FREM3: variants seen among roughly 807,000 people sequenced by gnomAD.
The protein encoded by FREM3 is FRAS1-related extracellular matrix protein 3.
A neutral mutation model predicts 129.1 loss-of-function variants in FREM3; 105 were observed. That is an observed-to-expected ratio of 0.81 (90% CI 0.69 to 0.96). The LOEUF (loss-of-function observed/expected upper bound fraction) is 0.96. FREM3 is among the 40% of genes least tolerant of loss of function. The probability of loss-of-function intolerance (pLI) is 0.00; values close to 1 mark genes in which losing one functional copy is unlikely to be tolerated. For synonymous variants in FREM3, 1,014 were observed against 1,044.9 expected (o/e 0.97, Z 0.57); for missense variants, 2,593 against 2,666.3 (o/e 0.97, Z 0.61).
At chr4:143,683,457 G>A (rs544581627) in intron 2 of FREM3, among the ~76,000 whole-genome samples, 9 of 152,368 alleles carry the variant, frequency 5.9e-5, no homozygotes, top group Non-Finnish European at 8.8e-5. Context: ...TTTACCTGCA[G>A]CTGAGTCAGT....
At chr4:143,662,258 G>A (rs62339311) in intron 2 of FREM3, among the ~76,000 whole-genome samples, 82,288 of 151,400 alleles carry the variant, frequency 0.54, 23,276 homozygotes, top group East Asian at 0.71. Flanking sequence ...ACACTGCTTT[G>A]AATGTGTCCC....
At chr4:143,588,603 A>G (rs895907783) in intron 6 of FREM3, among the ~76,000 whole-genome samples, 1 of 152,024 alleles carries the variant, frequency 6.6e-6, no homozygotes, top group Non-Finnish European at 1.5e-5. Context: ...ATAGTACTCC[A>G]TGGTGTATAT....
At chr4:143,604,634 A>G (rs1043644582) in intron 6 of FREM3, among the ~76,000 whole-genome samples, 1 of 152,176 alleles carries the variant, frequency 6.6e-6, no homozygotes, top group Non-Finnish European at 1.5e-5. Context: ...CACAATCAAA[A>G]CACTTAGGAA....
At chr4:143,686,620 A>G (rs1740369264) in intron 2 of FREM3, among the ~76,000 whole-genome samples, 1 of 152,152 alleles carries the variant, frequency 6.6e-6, no homozygotes, top group African/African-American at 2.4e-5. Flanking sequence ...AAATTATATC[A>G]AGCACTCTTT....
At chr4:143,594,048 T>C (rs1314899307) in intron 6 of FREM3, among the ~76,000 whole-genome samples, 2 of 152,300 alleles carry the variant, frequency 1.3e-5, no homozygotes, top group African/African-American at 4.8e-5. Flanking sequence ...TATAATCTCC[T>C]GGTGTGCCGT....
intron 6 of FREM3, among the ~76,000 whole-genome samples, chr4:143,596,895 A>G (rs1163189657): frequency 6.6e-6 from 1 of 152,112 alleles, no homozygotes; most frequent in Non-Finnish European, 1.5e-5. Context: ...CCATGATTGT[A>G]CCATTGCACA....
At chr4:143,633,078 A>G (rs1739167810) in intron 2 of FREM3, among the ~76,000 whole-genome samples, 1 of 152,160 alleles carries the variant, frequency 6.6e-6, no homozygotes, top group Non-Finnish European at 1.5e-5. Context: ...CATAGAGTCC[A>G]TATTTTGGTG....
At chr4:143,678,182 C>A (rs899234359) in intron 2 of FREM3, among the ~76,000 whole-genome samples, 1 of 152,144 alleles carries the variant, frequency 6.6e-6, no homozygotes, top group South Asian at 2.1e-4. Flanking sequence ...AAATGTGGCA[C>A]ATATACACCA....
In FREM3 at chr4:143,698,450, G is replaced by A. The variant is rs1049113692; in HGVS notation, c.2226C>T (p.Tyr742=). ...TGTCAGTCGGGAGTGTCAGTAGGGT[G>A]TACCATAGGTTCTGGTCATCAGAGT... ...DQDSDDQNLW[Y]TLLTLPTDTD... The change falls in exon 1 of 8, where the codon TAC becomes TAT. Residue 742 remains tyrosine, a synonymous_variant. Coordinates refer to ENST00000329798, the MANE Select transcript of FREM3 (RefSeq NM_001168235.2). The A allele has an allele frequency of 1.0e-5, 16 of 1,537,782 alleles. No homozygotes were observed. The highest frequency in any genetic ancestry group is 1.4e-5 in the African/African-American group (1 of 73,020).
At chr4:143,675,187 A>T (rs563242992) in intron 2 of FREM3, among the ~76,000 whole-genome samples, 55 of 152,266 alleles carry the variant, frequency 3.6e-4, no homozygotes, top group African/African-American at 1.1e-3. Flanking sequence ...TATAACAAAC[A>T]GTCTCTCAGA....
intron 4 of FREM3, among the ~76,000 whole-genome samples, chr4:143,623,511 A>G (rs1488501026): frequency 3.2e-5 from 2 of 63,306 alleles, no homozygotes. Flanking sequence ...CCCCCCCACC[A>G]TTTAGGGAAT....
chr4:143,630,657 C>T (rs981106548), intron 2 of FREM3, among the ~76,000 whole-genome samples: 2 of 152,090 alleles, frequency 1.3e-5, no homozygotes, highest in South Asian at 2.1e-4. Flanking sequence ...CTGTTAGGCA[C>T]CATATCAATT....
intron 2 of FREM3, among the ~76,000 whole-genome samples, chr4:143,664,757 A>T (rs1424196566): frequency 6.6e-6 from 1 of 151,510 alleles, no homozygotes; most frequent in Non-Finnish European, 1.5e-5. Flanking sequence ...CGAGCTTCCC[A>T]GCTGCTTTGT....
In FREM3 at chr4:143,697,767, C is replaced by G. The variant is rs780478292; in HGVS notation, c.2909G>C (p.Gly970Ala). 1.3e-6 allele frequency: 2 copies of G among 1,537,340 alleles called. No individual in the cohort carries two copies. The highest frequency in any genetic ancestry group is 2.7e-5 in the African/African-American group (2 of 73,008). The part of the protein sequence containing the change: ...LENKATEITM[G>A]VIHGKRKDVG... ...ATCCTTCCTTTTGCCATGGATGACA[C>G]CCATGGTAATTTCAGTGGCTTTATT... The change falls in exon 1 of 8, where the codon GGT becomes GCT. Residue 970 changes from glycine to alanine, a missense_variant. Coordinates refer to ENST00000329798, the MANE Select transcript of FREM3 (RefSeq NM_001168235.2).
At chr4:143,666,098 T>TA (rs985664618) in intron 2 of FREM3, among the ~76,000 whole-genome samples, 1 of 152,116 alleles carries the variant, frequency 6.6e-6, no homozygotes, top group Non-Finnish European at 1.5e-5. Flanking sequence ...TTTACAAACT[T>TA]AAATTATTTT....
intron 6 of FREM3, among the ~76,000 whole-genome samples, chr4:143,610,698 G>A (rs1738740444): frequency 6.6e-6 from 1 of 152,166 alleles, no homozygotes; most frequent in South Asian, 2.1e-4. Flanking sequence ...GTGAGACCTA[G>A]GAAAGTCATA....
At chr4:143,612,973 T>G (rs1331991710) in intron 5 of FREM3, among the ~76,000 whole-genome samples, 1 of 152,202 alleles carries the variant, frequency 6.6e-6, no homozygotes, top group Non-Finnish European at 1.5e-5. Flanking sequence ...ATATGCAAGA[T>G]GACACCAATG....
chr4:143,591,263 A>G (rs907773733), intron 6 of FREM3, among the ~76,000 whole-genome samples: 16 of 151,870 alleles, frequency 1.1e-4, no homozygotes, highest in African/African-American at 3.9e-4. Context: ...TATCTTAGTT[A>G]TTTCTTGCCT....
intron 2 of FREM3, among the ~76,000 whole-genome samples, chr4:143,640,262 A>T (rs986791113): frequency 2.0e-5 from 3 of 152,146 alleles, no homozygotes; most frequent in African/African-American, 7.2e-5. Context: ...AGTCCCTAGC[A>T]CACAAGCACA....
Sources: allele counts gnomAD v4.1 joint callset (sites outside exome capture counted in the v4.1 genomes callset), GRCh38; gene constraint gnomAD v4.1.1; transcripts MANE v1.5; gene names NCBI Gene and HGNC (gene_info 2026-07-23, HGNC 2026-07-21).